The following TCF4 variants were observed in gnomAD, a reference collection of about 807,000 sequenced individuals.
TCF4 encodes the protein transcription factor 4, also known as SL3-3 enhancer factor 2.
Under a neutral mutation model 82.1 loss-of-function variants are expected in TCF4, and 3 were observed. The ratio of observed to expected loss-of-function variants is 0.04; its 90% CI spans 0.02 to 0.09. TCF4 has a LOEUF of 0.09. TCF4 is among the 10% of genes least tolerant of loss of function. The probability of loss-of-function intolerance (pLI) is 1.00; values close to 1 mark genes in which losing one functional copy is unlikely to be tolerated. For synonymous variants in TCF4, 276 were observed against 309.6 expected (o/e 0.89, Z 1.14); for missense variants, 518 against 852.7 (o/e 0.61, Z 4.89).
chr18:55,585,643 G>C, intron 2 of TCF4: 2 of 620,570 alleles, frequency 3.2e-6, no homozygotes, highest in South Asian at 3.5e-5. Context: ...CAAGATTCAG[G>C]TTGGAGGCCA....
chr18:55,350,500 T>C (rs1047520865), intron 7 of TCF4, 92 bp from the exon 8 acceptor site: 1 of 1,305,438 alleles, frequency 7.7e-7, no homozygotes, highest in East Asian at 2.4e-5. Context: ...TGATACCACA[T>C]TTCCTTAAAT....
chr18:55,316,203 T>G (rs2074097550), intron 8 of TCF4, among the ~76,000 whole-genome samples: 2 of 152,252 alleles, frequency 1.3e-5, no homozygotes, highest in South Asian at 4.1e-4. Context: ...GGCATGCATT[T>G]AGGTCAGCTG....
chr18:55,538,249 C>A (rs1303917660), intron 3 of TCF4, among the ~76,000 whole-genome samples: 1 of 152,090 alleles, frequency 6.6e-6, no homozygotes, highest in East Asian at 1.9e-4. Flanking sequence ...AGTCCAGCCA[C>A]AATAATACTG....
intron 2 of TCF4, among the ~76,000 whole-genome samples, chr18:55,627,953 G>T (rs535968135): frequency 6.6e-6 from 1 of 152,058 alleles, no homozygotes; most frequent in African/African-American, 2.4e-5. Flanking sequence ...CCAGCTACTC[G>T]GGAGACTGAG....
At chr18:55,353,507 A>T (rs2082744722) in intron 6 of TCF4, among the ~76,000 whole-genome samples, 1 of 152,196 alleles carries the variant, frequency 6.6e-6, no homozygotes, top group Non-Finnish European at 1.5e-5. Context: ...CACTTGGACA[A>T]TAGAATCATT....
chr18:55,227,885 C>A lies in TCF4; in HGVS notation c.*150G>T. On this transcript the variant is annotated 3_prime_UTR_variant, in exon 20 of 20. Coordinates refer to ENST00000354452, the MANE Select transcript of TCF4 (RefSeq NM_001083962.2). ...TTTTGATAATTGGGAATGCTGAAAC[C>A]TCTTGCGTCTGCGATTCATAACTAC... 4.3e-6 allele frequency: 1 copy of A among 235,268 alleles called. No individual in the cohort carries two copies. Among genetic ancestry groups the A allele is most frequent in the Non-Finnish European group, 8.5e-6 (1 of 118,280 alleles). The allele number at this position is 235,268 out of a possible 1,614,324, so 14.6% of individuals were successfully genotyped here.
chr18:55,332,597 T>C (rs1242438957), intron 8 of TCF4, among the ~76,000 whole-genome samples: 1 of 152,240 alleles, frequency 6.6e-6, no homozygotes, highest in African/African-American at 2.4e-5. Flanking sequence ...AACTCTGATT[T>C]GTACAACTAC....
At chr18:55,443,862 G>C (rs1452117465) in intron 5 of TCF4, among the ~76,000 whole-genome samples, 1 of 152,190 alleles carries the variant, frequency 6.6e-6, no homozygotes, top group African/African-American at 2.4e-5. Context: ...GAGTGTTGAT[G>C]ATGTTCTGGG....
chr18:55,485,699 C>A (rs1326915771), intron 3 of TCF4, among the ~76,000 whole-genome samples: 6 of 152,186 alleles, frequency 3.9e-5, no homozygotes, highest in Admixed American at 3.9e-4. Context: ...AATATCATAC[C>A]TACACACATG....
intron 3 of TCF4, among the ~76,000 whole-genome samples, chr18:55,513,417 A>G (rs2096848921): frequency 6.6e-6 from 1 of 151,022 alleles, no homozygotes; most frequent in Admixed American, 6.6e-5. Context: ...ATAAATGTCT[A>G]ATTTTGCAAC....
chr18:55,425,459 T>G (rs1827484152), intron 5 of TCF4, among the ~76,000 whole-genome samples: 1 of 151,002 alleles, frequency 6.6e-6, no homozygotes, highest in Non-Finnish European at 1.5e-5. Flanking sequence ...CCCCAATGGA[T>G]CCTATAATTT....
chr18:55,402,703 A>T (rs1441647011), intron 6 of TCF4, among the ~76,000 whole-genome samples: 1 of 152,226 alleles, frequency 6.6e-6, no homozygotes. Context: ...ATAAAAACTC[A>T]GTTGTCTTGA....
chr18:55,252,344 C>T (rs187836239), intron 15 of TCF4, among the ~76,000 whole-genome samples: 179 of 146,444 alleles, frequency 1.2e-3, no homozygotes, highest in Non-Finnish European at 6.8e-4. Context: ...GCAAAACTGG[C>T]GGCTTTATTG....
chr18:55,362,493 C>A (rs1293264896), intron 6 of TCF4, among the ~76,000 whole-genome samples: 2 of 151,532 alleles, frequency 1.3e-5, no homozygotes, highest in African/African-American at 4.9e-5. Context: ...AATGTCCCTT[C>A]CACACTGAAA....
At chr18:55,432,199 T>A (rs1004943553) in intron 5 of TCF4, among the ~76,000 whole-genome samples, 1 of 152,046 alleles carries the variant, frequency 6.6e-6, no homozygotes, top group Non-Finnish European at 1.5e-5. Context: ...GCCACTTGGG[T>A]GGCTGAGGCA....
intron 5 of TCF4, among the ~76,000 whole-genome samples, chr18:55,421,998 G>C (rs2094777786): frequency 6.6e-6 from 1 of 150,664 alleles, no homozygotes; most frequent in African/African-American, 2.4e-5. Context: ...AATTACATTT[G>C]AAGAACAACA....
intron 8 of TCF4, 58 bp from the exon 9 acceptor site, chr18:55,279,714 T>C (rs1411322454): frequency 6.2e-7 from 1 of 1,609,554 alleles, no homozygotes; most frequent in Non-Finnish European, 8.5e-7. Flanking sequence ...CAGCCCAAGC[T>C]CCATTCTTAT....
At chr18:55,563,937 G>A (rs2097377412) in intron 3 of TCF4, among the ~76,000 whole-genome samples, 1 of 152,180 alleles carries the variant, frequency 6.6e-6, no homozygotes, top group South Asian at 2.1e-4. Flanking sequence ...AATTTAAAAT[G>A]AGCATGATCT....
At chr18:55,406,744 C>A (rs998308486) in intron 5 of TCF4, among the ~76,000 whole-genome samples, 3 of 152,208 alleles carry the variant, frequency 2.0e-5, no homozygotes, top group Non-Finnish European at 2.9e-5. Flanking sequence ...CCGCCTCCCC[C>A]CATCCCCACA....
Sources: allele counts gnomAD v4.1 joint callset (sites outside exome capture counted in the v4.1 genomes callset), GRCh38; gene constraint gnomAD v4.1.1; transcripts MANE v1.5; gene names NCBI Gene and HGNC (gene_info 2026-07-23, HGNC 2026-07-21).